Variants in EPHA5 observed in about 807,000 individuals in gnomAD.
EPHA5 encodes ephrin type-A receptor 5.
Under a neutral mutation model 105.0 loss-of-function variants are expected in EPHA5, and 60 were observed. The observed-to-expected ratio is 0.57, with a 90% CI of 0.46 to 0.71. The LOEUF (loss-of-function observed/expected upper bound fraction) is 0.71. Among genes scored for constraint, EPHA5 ranks in the 30% least tolerant of loss-of-function variants. The pLI, the probability that EPHA5 is intolerant of heterozygous loss-of-function variation, is 0.00. For missense variants in EPHA5, 1,218 were observed against 1,274.7 expected (o/e 0.96, Z 0.68); for synonymous variants, 513 against 449.1 (o/e 1.14, Z -1.80).
At position 65,323,559 on chromosome 4, in the gene EPHA5, C is replaced by T. The variant is rs1485146553; in HGVS notation, c.*555G>A. ...TTCTTGATCAAGCAACATGTTTACACACTAGTTTCTATAACTTAACGCTGT... is the reference window on the plus strand; with the variant it reads ...TTCTTGATCAAGCAACATGTTTACATACTAGTTTCTATAACTTAACGCTGT... On this transcript the variant is annotated 3_prime_UTR_variant, in exon 17 of 17. Coordinates refer to ENST00000613740, the MANE Select transcript of EPHA5 (RefSeq NM_001281766.3). 2 of 230,148 alleles carry T rather than the reference C, an allele frequency of 8.7e-6. No homozygotes were observed. Among genetic ancestry groups the T allele is most frequent in the East Asian group, 1.2e-4 (2 of 16,268 alleles). The allele number at this position is 230,148 out of a possible 1,614,324, so 14.3% of individuals were successfully genotyped here.
intron 15 of EPHA5, among the ~76,000 whole-genome samples, chr4:65,333,973 C>T (rs1720935224): frequency 6.6e-6 from 1 of 151,716 alleles, no homozygotes; most frequent in Non-Finnish European, 1.5e-5. Context: ...ATCTATTCAA[C>T]TTCCAATATA....
intron 3 of EPHA5, among the ~76,000 whole-genome samples, chr4:65,545,756 G>A (rs918035156): frequency 1.3e-4 from 20 of 151,824 alleles, no homozygotes; most frequent in African/African-American, 4.4e-4. Context: ...TCTTTAAATC[G>A]AATAAGAGCT....
chr4:65,502,072 C>T (rs982318861), intron 3 of EPHA5, among the ~76,000 whole-genome samples: 8 of 151,618 alleles, frequency 5.3e-5, no homozygotes, highest in Non-Finnish European at 4.4e-5. Context: ...AAACTAAACC[C>T]CTACATTTTA....
intron 3 of EPHA5, among the ~76,000 whole-genome samples, chr4:65,532,659 G>A (rs1032079766): frequency 2.4e-5 from 3 of 127,144 alleles, no homozygotes; most frequent in Admixed American, 8.3e-5. Context: ...CTCACCAGCT[G>A]TATTGGTTAC....
At chr4:65,537,362 T>G (rs2149314392) in intron 3 of EPHA5, among the ~76,000 whole-genome samples, 1 of 151,848 alleles carries the variant, frequency 6.6e-6, no homozygotes, top group Non-Finnish European at 1.5e-5. Context: ...ATAGAAAAAT[T>G]CAAGTTTTTC....
intron 8 of EPHA5, chr4:65,377,128 G>T (rs1719091007): frequency 1.4e-6 from 2 of 1,465,300 alleles, no homozygotes; most frequent in African/African-American, 1.4e-5. Flanking sequence ...ATAGCATAAA[G>T]ACACTATGAA....
chr4:65,396,829 G>T (rs1249148338), intron 8 of EPHA5, among the ~76,000 whole-genome samples: 2 of 152,172 alleles, frequency 1.3e-5, no homozygotes, highest in Non-Finnish European at 2.9e-5. Context: ...TCAGGAGGAA[G>T]CTGCAGAAAC....
At chr4:65,379,284 C>G (rs1719326521) in intron 8 of EPHA5, among the ~76,000 whole-genome samples, 1 of 151,540 alleles carries the variant, frequency 6.6e-6, no homozygotes, top group Admixed American at 6.6e-5. Context: ...CATACACACA[C>G]ACACACACAC....
chr4:65,549,813 T>C (rs1208173386), intron 3 of EPHA5, among the ~76,000 whole-genome samples: 1 of 152,100 alleles, frequency 6.6e-6, no homozygotes, highest in Non-Finnish European at 1.5e-5. Context: ...TTGCATATGT[T>C]CAAACTTTGA....
intron 2 of EPHA5, among the ~76,000 whole-genome samples, chr4:65,636,519 AT>A (rs372209600): frequency 1.4e-4 from 20 of 147,516 alleles, no homozygotes; most frequent in East Asian, 6.0e-4. Context: ...ACTGAATCTC[AT>A]TTTTTTTTTC....
At chr4:65,348,793 G>GTGTGTGTGTGTA (rs1172722234) in intron 13 of EPHA5, among the ~76,000 whole-genome samples, 2 of 42,852 alleles carry the variant, frequency 4.7e-5, no homozygotes, top group African/African-American at 2.0e-4. Context: ...GTGTGTGTGT[G>GTGTGTGTGTGTA]TATATATATA....
chr4:65,506,187 T>C (rs1175210266), intron 3 of EPHA5, among the ~76,000 whole-genome samples: 1 of 152,148 alleles, frequency 6.6e-6, no homozygotes. Flanking sequence ...ACTCATCCTT[T>C]TTTATGGCTG....
At chr4:65,668,283 G>C (rs1430760121) in intron 1 of EPHA5, among the ~76,000 whole-genome samples, 1 of 152,076 alleles carries the variant, frequency 6.6e-6, no homozygotes, top group African/African-American at 2.4e-5. Flanking sequence ...TGCAAGTCAC[G>C]AGGACACACA....
chr4:65,669,053 G>C (rs1174376134), intron 1 of EPHA5, among the ~76,000 whole-genome samples: 1 of 151,858 alleles, frequency 6.6e-6, no homozygotes, highest in Non-Finnish European at 1.5e-5. Context: ...CTCCCAGCAG[G>C]CACTTTCCCC....
intron 15 of EPHA5, among the ~76,000 whole-genome samples, chr4:65,334,896 A>G (rs1192877033): frequency 6.6e-6 from 1 of 152,028 alleles, no homozygotes; most frequent in Admixed American, 6.6e-5. Flanking sequence ...ATTTTACATG[A>G]CAATAAGCAA....
chr4:65,546,235 T>G (rs1010672399), intron 3 of EPHA5, among the ~76,000 whole-genome samples: 1 of 151,926 alleles, frequency 6.6e-6, no homozygotes, highest in Non-Finnish European at 1.5e-5. Context: ...CTCATAATAT[T>G]TCAGACACAA....
chr4:65,458,478 C>G (rs1250335806), intron 5 of EPHA5, among the ~76,000 whole-genome samples: 2 of 152,154 alleles, frequency 1.3e-5, no homozygotes, highest in Non-Finnish European at 2.9e-5. Flanking sequence ...CCAAATCCTA[C>G]ACACAATTGA....
chr4:65,429,605 C>T (rs1200553835), intron 5 of EPHA5, among the ~76,000 whole-genome samples: 1 of 151,916 alleles, frequency 6.6e-6, no homozygotes, highest in Non-Finnish European at 1.5e-5. Flanking sequence ...ATTCATTTTC[C>T]TTTCTCACTT....
At chr4:65,384,105 G>T (rs1202174200) in intron 8 of EPHA5, among the ~76,000 whole-genome samples, 1 of 151,884 alleles carries the variant, frequency 6.6e-6, no homozygotes, top group East Asian at 2.0e-4. Context: ...GGACACAGGA[G>T]AGGCTGTGGA....
Sources: allele counts gnomAD v4.1 joint callset (sites outside exome capture counted in the v4.1 genomes callset), GRCh38; gene constraint gnomAD v4.1.1; transcripts MANE v1.5; gene names NCBI Gene and HGNC (gene_info 2026-07-23, HGNC 2026-07-21).